Variants in DCC observed in about 807,000 individuals in gnomAD.
The protein encoded by DCC is netrin receptor DCC.
DCC carries 58 observed loss-of-function variants against 172.5 expected under a neutral mutation model. The observed-to-expected ratio is 0.34, with a 90% CI of 0.27 to 0.42. The LOEUF is 0.42. Ranked by LOEUF, DCC falls within the 10% of genes least tolerant of loss-of-function variation. DCC has a pLI of 1.00. For synonymous variants in DCC, 709 were observed against 644.5 expected, an observed-to-expected ratio of 1.10 and a Z score of -1.52; for missense variants, 1,740 against 1,791.0, an observed-to-expected ratio of 0.97 and a Z score of 0.51.
intron 1 of DCC, among the ~76,000 whole-genome samples, chr18:52,749,253 C>A (rs2036958475): frequency 6.6e-6 from 1 of 151,958 alleles, no homozygotes; most frequent in Non-Finnish European, 1.5e-5. Context: ...AACAGGCAAA[C>A]AGGAACAGAA....
chr18:52,372,625 C>T (rs1012926373), intron 1 of DCC, among the ~76,000 whole-genome samples: 4 of 152,082 alleles, frequency 2.6e-5, no homozygotes, highest in Non-Finnish European at 4.4e-5. Context: ...TGTCATTTAA[C>T]GTGAGTGTGA....
At chr18:52,569,377 G>T (rs1190479465) in intron 1 of DCC, among the ~76,000 whole-genome samples, 1 of 152,168 alleles carries the variant, frequency 6.6e-6, no homozygotes, top group Non-Finnish European at 1.5e-5. Context: ...AGAGTTAACA[G>T]TGAAGGAAAA....
chr18:53,373,538 TTGTTTA>T (rs1296298803), intron 15 of DCC, among the ~76,000 whole-genome samples: 1 of 152,168 alleles, frequency 6.6e-6, no homozygotes, highest in Non-Finnish European at 1.5e-5. Context: ...TCTTTACCAG[TTGTTTA>T]TTTTTACATA....
chr18:52,478,634 C>A (rs1303020518), intron 1 of DCC, among the ~76,000 whole-genome samples: 1 of 152,184 alleles, frequency 6.6e-6, no homozygotes, highest in Non-Finnish European at 1.5e-5. Context: ...TCTGGGGAAG[C>A]CTCAGGAAAC....
chr18:53,435,331 T>C (rs1911870522), intron 22 of DCC, 122 bp downstream of exon 22: 1 of 694,432 alleles, frequency 1.4e-6, no homozygotes, highest in Admixed American at 2.1e-5. Flanking sequence ...AGTGTCTTAG[T>C]GGGATAATAG....
At chr18:52,884,321 C>G (rs926172839) in intron 2 of DCC, among the ~76,000 whole-genome samples, 1 of 151,958 alleles carries the variant, frequency 6.6e-6, no homozygotes, top group African/African-American at 2.4e-5. Context: ...CTCTTGAAGA[C>G]CATTGAAATA....
At chr18:52,637,224 C>T (rs976243211) in intron 1 of DCC, among the ~76,000 whole-genome samples, 1 of 152,134 alleles carries the variant, frequency 6.6e-6, no homozygotes, top group Non-Finnish European at 1.5e-5. Context: ...CAAAAGGAAC[C>T]AGAAACCCAA....
At chr18:52,847,660 T>C (rs1030594) in intron 2 of DCC, among the ~76,000 whole-genome samples, 33,933 of 152,042 alleles carry the variant, frequency 0.22, 4,613 homozygotes, top group Admixed American at 0.31. Flanking sequence ...AATTCTTCAA[T>C]TGAGACTAAA....
chr18:52,791,246 G>T (rs1267870841), intron 2 of DCC, among the ~76,000 whole-genome samples: 2 of 152,154 alleles, frequency 1.3e-5, no homozygotes, highest in Non-Finnish European at 2.9e-5. Flanking sequence ...TAGCAAAAAG[G>T]CAATGCCCTT....
intron 1 of DCC, among the ~76,000 whole-genome samples, chr18:52,428,302 CTT>C (rs1987509909): frequency 6.6e-6 from 1 of 152,086 alleles, no homozygotes; most frequent in Admixed American, 6.6e-5. Flanking sequence ...TTCTTTGACT[CTT>C]TTACATGAAG....
At chr18:53,226,948 A>ATATATATATATATATATTTTTTTT in intron 12 of DCC, among the ~76,000 whole-genome samples, 6 of 52,950 alleles carry the variant, frequency 1.1e-4, no homozygotes, top group African/African-American at 5.7e-4. Flanking sequence ...ATATATATAT[A>ATATATATATATATATATTTTTTTT]TTTTTTTTTT....
At chr18:52,971,750 C>G (rs1338391236) in intron 5 of DCC, among the ~76,000 whole-genome samples, 1 of 152,138 alleles carries the variant, frequency 6.6e-6, no homozygotes, top group African/African-American at 2.4e-5. Flanking sequence ...GGATCTCACT[C>G]TTGTGAAAAC....
chr18:52,908,794 A>C (rs954170832), intron 3 of DCC, among the ~76,000 whole-genome samples: 32 of 152,176 alleles, frequency 2.1e-4, no homozygotes, highest in African/African-American at 7.7e-4. Flanking sequence ...GCTGAATTGA[A>C]ACTGATATTT....
At chr18:52,797,567 T>C (rs958755564) in intron 2 of DCC, among the ~76,000 whole-genome samples, 2 of 152,220 alleles carry the variant, frequency 1.3e-5, no homozygotes, top group East Asian at 1.9e-4. Flanking sequence ...CAATTGTTAA[T>C]GGAGGTTGTG....
At chr18:53,243,644 T>G (rs954699220) in intron 12 of DCC, among the ~76,000 whole-genome samples, 2 of 152,158 alleles carry the variant, frequency 1.3e-5, no homozygotes, top group Admixed American at 6.6e-5. Flanking sequence ...TTTAAGAAGC[T>G]GCAAGGAAAC....
intron 24 of DCC, among the ~76,000 whole-genome samples, chr18:53,467,526 T>G (rs916049230): frequency 7.2e-5 from 11 of 152,206 alleles, no homozygotes; most frequent in Non-Finnish European, 1.0e-4. Context: ...AAAATTATAC[T>G]GAGTTATGTA....
At chr18:52,622,941 A>AAAG (rs1197481898) in intron 1 of DCC, among the ~76,000 whole-genome samples, 3 of 152,242 alleles carry the variant, frequency 2.0e-5, no homozygotes, top group African/African-American at 7.2e-5. Flanking sequence ...TTAAATTCAC[A>AAAG]AAGGACATGT....
intron 2 of DCC, among the ~76,000 whole-genome samples, chr18:52,902,696 G>A (rs2039827268): frequency 6.6e-6 from 1 of 152,108 alleles, no homozygotes; most frequent in African/African-American, 2.4e-5. Context: ...TTTTAAGACT[G>A]TTGCTGGGTT....
At chr18:52,575,642 T>C (rs905262149) in intron 1 of DCC, among the ~76,000 whole-genome samples, 1 of 152,168 alleles carries the variant, frequency 6.6e-6, no homozygotes, top group Non-Finnish European at 1.5e-5. Flanking sequence ...ACTCATAGTG[T>C]GATTTTTAGG....
Sources: allele counts gnomAD v4.1 joint callset (sites outside exome capture counted in the v4.1 genomes callset), GRCh38; gene constraint gnomAD v4.1.1; transcripts MANE v1.5; gene names NCBI Gene and HGNC (gene_info 2026-07-23, HGNC 2026-07-21).